The following AGTPBP1 variants were observed in gnomAD, a reference collection of about 807,000 sequenced individuals.
AGTPBP1 encodes the protein ATP/GTP binding carboxypeptidase 1, also known as cytosolic carboxypeptidase 1.
Under a neutral mutation model 143.9 loss-of-function variants are expected in AGTPBP1, and 70 were observed. That is an observed-to-expected ratio of 0.49 (90% CI 0.40 to 0.59). AGTPBP1 has a LOEUF of 0.59. Ranked by LOEUF, AGTPBP1 falls within the 20% of genes least tolerant of loss-of-function variation. AGTPBP1 has a pLI of 0.00. For missense variants in AGTPBP1, 1,229 were observed against 1,464.5 expected (o/e 0.84, Z 2.62); for synonymous variants, 463 against 500.2 (o/e 0.93, Z 0.99).
At chr9:85,622,632 ATAG>A (rs1831010127) in intron 14 of AGTPBP1, among the ~76,000 whole-genome samples, 1 of 152,214 alleles carries the variant, frequency 6.6e-6, no homozygotes, top group Admixed American at 6.5e-5. Context: ...CATTACTGAC[ATAG>A]TAGTCTATCA....
chr9:85,727,146 G>A (rs1279662578), intron 1 of AGTPBP1, among the ~76,000 whole-genome samples: 1 of 152,038 alleles, frequency 6.6e-6, no homozygotes, highest in Admixed American at 6.6e-5. Context: ...GGCCAATATG[G>A]TGAAACCCCG....
intron 14 of AGTPBP1, 97 bp downstream of exon 14, chr9:85,632,565 G>T: frequency 9.4e-7 from 1 of 1,065,804 alleles, no homozygotes; most frequent in Non-Finnish European, 1.3e-6. Context: ...ATAACTCACA[G>T]TAATTATCTT....
chr9:85,678,143 G>T (rs1834950298), intron 5 of AGTPBP1, among the ~76,000 whole-genome samples, 192 bp downstream of exon 5: 1 of 152,174 alleles, frequency 6.6e-6, no homozygotes. Context: ...CATGGCTATG[G>T]GGTAGTCTGA....
the AGTPBP1 span, among the ~76,000 whole-genome samples, chr9:85,748,736 A>G: frequency 6.6e-6 from 1 of 152,084 alleles, no homozygotes; most frequent in Non-Finnish European, 1.5e-5. Flanking sequence ...AATCTGTCCA[A>G]TTTTCATTTC....
rs1230910864 is a variant in AGTPBP1, at chr9:85,588,434, C to T, written c.2767G>A (p.Glu923Lys). 1.2e-6 allele frequency: 2 copies of T among 1,613,074 alleles called. No homozygotes were observed. The highest frequency in any genetic ancestry group is 8.5e-7 in the Non-Finnish European group (1 of 1,179,488). The change falls in exon 21 of 26, where the codon GAA (glutamate) becomes AAA (lysine). Residue 923 changes from glutamate (E) to lysine (K), a missense_variant. Transcript: ENST00000357081. Reference protein sequence around the residue: ...VFLSARVHPGETNASWVMKGT... With the variant: ...VFLSARVHPGKTNASWVMKGT... ...TTCATAACCCAACTTGCATTAGTTT[C>T]TCCAGGATGTACCCGAGCAGACAAG...
At chr9:85,780,894 T>A in the AGTPBP1 span, among the ~76,000 whole-genome samples, 6 of 152,212 alleles carry the variant, frequency 3.9e-5, no homozygotes, top group Admixed American at 6.5e-5. Flanking sequence ...AGGCGGGCAG[T>A]TCACGAGGTC....
At chr9:85,797,307 C>T in the AGTPBP1 span, among the ~76,000 whole-genome samples, 1 of 152,110 alleles carries the variant, frequency 6.6e-6, no homozygotes, top group Non-Finnish European at 1.5e-5. Flanking sequence ...CAAAGTCTCA[C>T]AATGTTGCCT....
intron 12 of AGTPBP1, 133 bp downstream of exon 12, chr9:85,646,188 A>G (rs1832795946): frequency 1.6e-6 from 1 of 625,762 alleles, no homozygotes; most frequent in East Asian, 2.8e-5. Context: ...CTTTAATTGC[A>G]TAGTCATTCA....
intron 20 of AGTPBP1, among the ~76,000 whole-genome samples, chr9:85,588,710 T>C (rs151156304): frequency 4.1e-4 from 62 of 152,272 alleles, no homozygotes; most frequent in African/African-American, 1.4e-3. Flanking sequence ...CAGTAAGTAG[T>C]ATTTGATCCA....
At chr9:85,604,052 AG>A (rs1397677505) in intron 17 of AGTPBP1, among the ~76,000 whole-genome samples, 1 of 152,184 alleles carries the variant, frequency 6.6e-6, no homozygotes, top group African/African-American at 2.4e-5. Flanking sequence ...CCCTGGGCTG[AG>A]GGAAGTTCAT....
At chr9:85,743,572 G>A (rs1004267732), upstream of AGTPBP1, among the ~76,000 whole-genome samples, 1 of 152,104 alleles carries the variant, frequency 6.6e-6, no homozygotes, top group Non-Finnish European at 1.5e-5. Flanking sequence ...CTAATGTGAC[G>A]TTACACCTTA....
At chr9:85,594,513 G>A (rs1350983757) in intron 18 of AGTPBP1, among the ~76,000 whole-genome samples, 1 of 152,068 alleles carries the variant, frequency 6.6e-6, no homozygotes, top group Non-Finnish European at 1.5e-5. Flanking sequence ...TGGGAGTGAT[G>A]ATAAGCTCTT....
rs1389867944 is a variant in AGTPBP1 at position 85,575,426 on chromosome 9, C to A, written c.3392G>T (p.Cys1131Phe). Residue 1131 changes from cysteine to phenylalanine, a missense_variant, in exon 25 of 26, where the codon TGT becomes TTT. Physicochemically the swap from Cys to Phe is radical, Grantham distance 205. This residue lies in a region of AGTPBP1 where 486 missense variants were observed against 652.3 expected (regional missense o/e 0.75). Coordinates refer to ENST00000357081, the MANE Select transcript of AGTPBP1 (RefSeq NM_001330701.2). ...RELEEMGAKFCVGLLRLKRLT... is the reference protein window; with the variant it reads ...RELEEMGAKFFVGLLRLKRLT... Reference sequence around the variant, plus strand: ...TCTTTTCAAACGTAAAAGACCAACACAAAATTTTGCTCCCATCTCTTCCAG... The same window carrying A: ...TCTTTTCAAACGTAAAAGACCAACAAAAAATTTTGCTCCCATCTCTTCCAG... The A allele has an allele frequency of 6.2e-7, 1 of 1,609,448 alleles. No individual in the cohort carries two copies. Among genetic ancestry groups the A allele is most frequent in the East Asian group, 2.3e-5 (1 of 44,398 alleles).
intron 1 of AGTPBP1, among the ~76,000 whole-genome samples, chr9:85,736,472 T>TA (rs1400990837): frequency 3.3e-5 from 5 of 152,180 alleles, no homozygotes; most frequent in Admixed American, 2.6e-4. Flanking sequence ...ATATTATCAA[T>TA]TACAGTCATC....
the AGTPBP1 span, chr9:85,773,969 C>G: frequency 6.2e-7 from 1 of 1,610,484 alleles, no homozygotes; most frequent in Admixed American, 1.7e-5. Context: ...TGCAGTGTGA[C>G]CGGAGACTGA....
chr9:85,614,007 T>C (rs1478315170), intron 17 of AGTPBP1, among the ~76,000 whole-genome samples: 2 of 152,016 alleles, frequency 1.3e-5, no homozygotes, highest in Non-Finnish European at 2.9e-5. Context: ...ATTACATTCA[T>C]TGATAAATGC....
chr9:85,599,771 GACAA>G (rs1209900835), intron 17 of AGTPBP1, among the ~76,000 whole-genome samples: 1 of 152,200 alleles, frequency 6.6e-6, no homozygotes, highest in African/African-American at 2.4e-5. Context: ...TGTTGGCAGT[GACAA>G]ACAATTTACA....
At chr9:85,731,944 A>G (rs1172753224) in intron 1 of AGTPBP1, among the ~76,000 whole-genome samples, 6 of 152,212 alleles carry the variant, frequency 3.9e-5, no homozygotes, top group African/African-American at 9.7e-5. Flanking sequence ...AAAAATGTTC[A>G]GATACTTATA....
At chr9:85,717,198 T>C (rs755265550) in intron 1 of AGTPBP1, among the ~76,000 whole-genome samples, 2 of 152,152 alleles carry the variant, frequency 1.3e-5, no homozygotes, top group Non-Finnish European at 2.9e-5. Context: ...TTCTAAAACA[T>C]GATGATTCAA....
Sources: allele counts gnomAD v4.1 joint callset (sites outside exome capture counted in the v4.1 genomes callset), GRCh38; gene constraint gnomAD v4.1.1; regional missense constraint gnomAD v4.1.1; transcripts MANE v1.5; gene names NCBI Gene and HGNC (gene_info 2026-07-23, HGNC 2026-07-21).